Variants in PRDM6 observed in about 807,000 individuals in gnomAD.
The protein encoded by PRDM6 is putative histone-lysine N-methyltransferase PRDM6.
In PRDM6, 25 loss-of-function variants were observed where a neutral mutation model predicts 60.8. The ratio of observed to expected loss-of-function variants is 0.41; its 90% CI spans 0.30 to 0.57. PRDM6 has a LOEUF of 0.57. PRDM6 is among the 20% of genes least tolerant of loss of function. PRDM6 has a pLI of 0.27. For missense variants in PRDM6, 839 were observed against 821.3 expected (o/e 1.02, Z -0.26); for synonymous variants, 407 against 357.4 (o/e 1.14, Z -1.57).
chr5:123,176,422 A>AT (rs1422685500), intron 6 of PRDM6, among the ~76,000 whole-genome samples: 1 of 152,090 alleles, frequency 6.6e-6, no homozygotes, highest in African/African-American at 2.4e-5. Flanking sequence ...TAAAAAGGAG[A>AT]TTTTGGGACT....
chr5:123,143,989 A>G (rs886919797), intron 3 of PRDM6, among the ~76,000 whole-genome samples: 5 of 152,182 alleles, frequency 3.3e-5, no homozygotes. Context: ...CAATCCTGTC[A>G]GTCTATCTCT....
chr5:123,105,917 C>T (rs1244404436), intron 3 of PRDM6, among the ~76,000 whole-genome samples: 2 of 152,194 alleles, frequency 1.3e-5, no homozygotes, highest in African/African-American at 4.8e-5. Context: ...AGAGGTTGAC[C>T]TTTCGTCATG....
intron 3 of PRDM6, among the ~76,000 whole-genome samples, chr5:123,136,856 T>C (rs1471364857): frequency 2.8e-5 from 2 of 70,868 alleles, no homozygotes; most frequent in African/African-American, 1.1e-4. Flanking sequence ...AGAGTCTGGC[T>C]GGCAATGTGC....
At chr5:123,179,135 T>TA (rs1766082862) in intron 6 of PRDM6, among the ~76,000 whole-genome samples, 1 of 152,252 alleles carries the variant, frequency 6.6e-6, no homozygotes, top group Non-Finnish European at 1.5e-5. Flanking sequence ...TCTGCTTAAG[T>TA]AAGCAGAAGA....
At chr5:123,103,146 A>G (rs1179196078) in intron 3 of PRDM6, among the ~76,000 whole-genome samples, 2 of 152,012 alleles carry the variant, frequency 1.3e-5, no homozygotes, top group African/African-American at 4.8e-5. Flanking sequence ...ATTTCATTAT[A>G]TTCAGTACAT....
intron 3 of PRDM6, among the ~76,000 whole-genome samples, chr5:123,146,649 G>T (rs756252697): frequency 6.6e-6 from 1 of 152,126 alleles, no homozygotes; most frequent in Admixed American, 6.6e-5. Context: ...ACACGACAAG[G>T]GATGCTGAGT....
intron 3 of PRDM6, among the ~76,000 whole-genome samples, chr5:123,137,504 A>G (rs412232): frequency 0.72 from 109,618 of 151,496 alleles, 39,793 homozygotes; most frequent in Non-Finnish European, 0.74. Context: ...AAGTTGTTGT[A>G]TTTAAAACCA....
intron 6 of PRDM6, among the ~76,000 whole-genome samples, chr5:123,171,940 A>G (rs1288458773): frequency 6.6e-6 from 1 of 152,234 alleles, no homozygotes; most frequent in Non-Finnish European, 1.5e-5. Context: ...TTGTGTTTTT[A>G]TCTCTCCTTC....
intron 5 of PRDM6, among the ~76,000 whole-genome samples, chr5:123,163,025 T>C (rs1024401260): frequency 6.6e-6 from 1 of 152,144 alleles, no homozygotes; most frequent in African/African-American, 2.4e-5. Context: ...TCCAAGACAT[T>C]TTTATCCCAC....
chr5:123,157,041 A>G (rs1015759239), intron 4 of PRDM6, among the ~76,000 whole-genome samples: 2 of 151,126 alleles, frequency 1.3e-5, no homozygotes, highest in East Asian at 1.9e-4. Context: ...AGTCCTGCCT[A>G]TGGCTATTTA....
intron 3 of PRDM6, among the ~76,000 whole-genome samples, chr5:123,125,057 C>A (rs1024582047): frequency 2.5e-5 from 3 of 121,970 alleles, no homozygotes; most frequent in Non-Finnish European, 5.1e-5. Context: ...AGGCAACTTA[C>A]AACATTTTTT....
intron 5 of PRDM6, among the ~76,000 whole-genome samples, chr5:123,166,338 C>T (rs1765752458): frequency 6.6e-6 from 1 of 152,240 alleles, no homozygotes; most frequent in African/African-American, 2.4e-5. Context: ...GTGTACCCCT[C>T]AGGAACCCAG....
At chr5:123,154,215 T>G (rs948876519) in intron 3 of PRDM6, among the ~76,000 whole-genome samples, 1 of 152,184 alleles carries the variant, frequency 6.6e-6, no homozygotes, top group Admixed American at 6.5e-5. Flanking sequence ...ATCCTAAATA[T>G]GTTGTCTATC....
intron 2 of PRDM6, among the ~76,000 whole-genome samples, chr5:123,098,140 A>G (rs1415559669): frequency 6.6e-6 from 1 of 152,246 alleles, no homozygotes; most frequent in Non-Finnish European, 1.5e-5. Context: ...CGGTCATTTC[A>G]GCGCAGATAG....
At chr5:123,132,193 G>T (rs113406876) in intron 3 of PRDM6, among the ~76,000 whole-genome samples, 1,796 of 152,104 alleles carry the variant, frequency 0.012, 47 homozygotes, top group African/African-American at 0.041. Context: ...AACTTCCTTT[G>T]TCTATTACTT....
intron 3 of PRDM6, among the ~76,000 whole-genome samples, chr5:123,115,527 C>A (rs1290787212): frequency 2.0e-5 from 3 of 152,046 alleles, no homozygotes; most frequent in South Asian, 4.2e-4. Flanking sequence ...TATGTTTTAT[C>A]ATTACAAGGG....
At chr5:123,100,023 T>C (rs184335493) in intron 3 of PRDM6, 62 bp downstream of exon 3, 1 of 1,430,038 alleles carries the variant, frequency 7.0e-7, no homozygotes, top group Admixed American at 2.7e-5. Context: ...CAGGGAGCCT[T>C]GGCCGGCAGG....
At position 123,090,143 on chromosome 5, in the gene PRDM6, C is replaced by G. The variant is rs557880296; in HGVS notation, c.129C>G (p.Leu43=). The G allele has an allele frequency of 2.9e-4, 445 of 1,532,054 alleles. 2 individuals carry two copies. The African/African-American group carries it at 5.7e-3, about 20-fold the overall frequency. The allele number at this position is 1,532,054 out of a possible 1,614,324, so 94.9% of individuals were successfully genotyped here. The change falls in exon 2 of 8, where the codon CTC becomes CTG. Residue 43 remains leucine, a synonymous_variant. Transcript: ENST00000407847. ...TCAAGGGCAGCGGCGCCGCGGGTCT[C>G]CTGAGCGCGCCGCAGCCTCTTCAGC... The part of the protein sequence containing the change: ...GPLKGSGAAG[L]LSAPQPLQPP...
At chr5:123,130,809 C>T (rs549602067) in intron 3 of PRDM6, among the ~76,000 whole-genome samples, 3 of 152,258 alleles carry the variant, frequency 2.0e-5, no homozygotes, top group South Asian at 4.1e-4. Flanking sequence ...TCAGGTGATC[C>T]GCCTGCCTCG....
Sources: allele counts gnomAD v4.1 joint callset (sites outside exome capture counted in the v4.1 genomes callset), GRCh38; gene constraint gnomAD v4.1.1; transcripts MANE v1.5; gene names NCBI Gene and HGNC (gene_info 2026-07-23, HGNC 2026-07-21).